MEIS2: variants seen among roughly 807,000 people sequenced by gnomAD.
The protein encoded by MEIS2 is homeobox protein Meis2.
A neutral mutation model predicts 58.6 loss-of-function variants in MEIS2; 9 were observed. The ratio of observed to expected loss-of-function variants is 0.15; its 90% CI spans 0.09 to 0.27. MEIS2 has a LOEUF of 0.27. Ranked by LOEUF, MEIS2 falls within the 10% of genes least tolerant of loss-of-function variation. MEIS2 has a pLI of 1.00. For missense variants in MEIS2, 427 were observed against 635.0 expected (o/e 0.67, Z 3.52); for synonymous variants, 221 against 228.4 (o/e 0.97, Z 0.29).
chr15:37,081,709 TA>T (rs1892228197), intron 7 of MEIS2, among the ~76,000 whole-genome samples: 1 of 152,054 alleles, frequency 6.6e-6, no homozygotes, highest in African/African-American at 2.4e-5. Flanking sequence ...TTCGATACAG[TA>T]AAATGACTGA....
At chr15:37,019,707 C>T (rs1055464049) in intron 8 of MEIS2, among the ~76,000 whole-genome samples, 16 of 152,050 alleles carry the variant, frequency 1.1e-4, no homozygotes, top group Admixed American at 7.2e-4. Context: ...CATGGTGAAA[C>T]GCAGGGCCCA....
intron 9 of MEIS2, among the ~76,000 whole-genome samples, chr15:36,928,912 A>T (rs1182603456): frequency 1.3e-5 from 2 of 152,216 alleles, no homozygotes; most frequent in Admixed American, 1.3e-4. Context: ...GGCACTGCTT[A>T]TAAAAAAAGA....
chr15:37,007,066 T>C (rs2060948195), intron 8 of MEIS2, among the ~76,000 whole-genome samples: 2 of 152,240 alleles, frequency 1.3e-5, no homozygotes, highest in African/African-American at 4.8e-5. Context: ...ATGAGAATAA[T>C]AACAGTGTAT....
chr15:36,954,934 C>T (rs986450739), intron 8 of MEIS2, among the ~76,000 whole-genome samples: 2 of 152,110 alleles, frequency 1.3e-5, no homozygotes, highest in Admixed American at 6.5e-5. Flanking sequence ...TTTGATGATG[C>T]CACTCATTCA....
intron 8 of MEIS2, among the ~76,000 whole-genome samples, chr15:36,976,150 T>C (rs1161896394): frequency 6.6e-6 from 1 of 152,102 alleles, no homozygotes; most frequent in Admixed American, 6.5e-5. Flanking sequence ...AGTGGCGCGA[T>C]CTCGGCTCCC....
At chr15:36,919,413 T>C (rs894126995) in intron 9 of MEIS2, among the ~76,000 whole-genome samples, 7 of 151,952 alleles carry the variant, frequency 4.6e-5, no homozygotes, top group African/African-American at 1.7e-4. Context: ...ACCCTGTCTC[T>C]ACCAAAAATA....
rs746689909 is a variant in MEIS2 at position 37,098,027 on chromosome 15, G to T, written c.185C>A (p.Pro62Gln). 3 of 1,612,722 alleles carry T rather than the reference G, an allele frequency of 1.9e-6. No individual in the cohort carries two copies. Among genetic ancestry groups the T allele is most frequent in the Admixed American group, 1.7e-5 (1 of 59,908 alleles). ...GAHAPHPNVM[P>Q]ASMGSAVNDA... is the part of the protein sequence containing the mutation. ...GTTGACAGCGGATCCCATACTGGCCGGCATGACATTGGGGTGCGGGGCGTG... is the reference window on the plus strand; with the variant it reads ...GTTGACAGCGGATCCCATACTGGCCTGCATGACATTGGGGTGCGGGGCGTG... Residue 62 changes from proline (P) to glutamine (Q), a missense_variant, in exon 2 of 12, where the codon CCG (proline) becomes CAG (glutamine). Coordinates refer to ENST00000561208, the MANE Select transcript of MEIS2 (RefSeq NM_170675.5).
At chr15:36,941,575 T>C (rs534607903) in intron 9 of MEIS2, among the ~76,000 whole-genome samples, 1 of 152,242 alleles carries the variant, frequency 6.6e-6, no homozygotes, top group Admixed American at 6.5e-5. Flanking sequence ...AGCATGTGTT[T>C]TATAATTTTT....
At chr15:37,061,374 C>A (rs987273561) in intron 7 of MEIS2, among the ~76,000 whole-genome samples, 1 of 152,136 alleles carries the variant, frequency 6.6e-6, no homozygotes, top group African/African-American at 2.4e-5. Context: ...GCAGAGATAG[C>A]TAATTAAATT....
intron 9 of MEIS2, among the ~76,000 whole-genome samples, chr15:36,917,120 G>C (rs1366871879): frequency 6.6e-6 from 1 of 152,144 alleles, no homozygotes; most frequent in East Asian, 1.9e-4. Flanking sequence ...AAGACCTTCT[G>C]GGAACCAACA....
At chr15:36,940,732 C>T (rs1323825794) in intron 9 of MEIS2, among the ~76,000 whole-genome samples, 1 of 152,116 alleles carries the variant, frequency 6.6e-6, no homozygotes, top group Non-Finnish European at 1.5e-5. Context: ...ATAAATCATA[C>T]CTGAAGCTTA....
chr15:37,091,819 T>C (rs1050431220), intron 6 of MEIS2, among the ~76,000 whole-genome samples: 5 of 152,108 alleles, frequency 3.3e-5, no homozygotes. Flanking sequence ...CCTAGAAATA[T>C]CATGAGAAAA....
At position 37,079,376 on chromosome 15, in the gene MEIS2, T is replaced by C. The variant is rs191441845; in HGVS notation, c.754+4395A>G. Among the ~76,000 whole-genome samples the C allele has an allele frequency of 2.4e-3, 363 of 152,250 alleles. 3 individuals carry two copies. The highest frequency in any genetic ancestry group is 8.3e-3 in the African/African-American group (345 of 41,572). Reference sequence around the variant, plus strand: ...TTATGCCAGATGGCATCTGTCATATTGTATTTAGGGTTATTTTAAAGAGAT... The same window carrying C: ...TTATGCCAGATGGCATCTGTCATATCGTATTTAGGGTTATTTTAAAGAGAT... On this transcript the variant is annotated intron_variant, in intron 7 of 11. Transcript: ENST00000561208.
chr15:37,047,646 C>T (rs1373844664), intron 7 of MEIS2, among the ~76,000 whole-genome samples: 3 of 152,158 alleles, frequency 2.0e-5, no homozygotes, highest in Admixed American at 6.5e-5. Flanking sequence ...TAGTTTGACA[C>T]AACGGTCATG....
At chr15:36,950,919 T>A (rs2058730109) in intron 8 of MEIS2, among the ~76,000 whole-genome samples, 1 of 152,110 alleles carries the variant, frequency 6.6e-6, no homozygotes, top group Non-Finnish European at 1.5e-5. Context: ...TGGCAACTGA[T>A]TCAATTACAA....
Position 36,896,363 on chromosome 15 carries a change from C to T in MEIS2, c.1036+265G>A, listed in dbSNP as rs529086008. 2.4e-4 allele frequency among the ~76,000 whole-genome samples: 37 copies of T among 152,242 alleles called. 1 individual carries two copies. In the East Asian group the frequency reaches 4.1e-3, roughly 17 times the overall value. ...GGGGTAATGCCAGAGCTCACAAACA[C>T]GCTGCTTGTGGCATTAATACCTGTG... On this transcript the variant is annotated intron_variant, in intron 10 of 11. Coordinates refer to ENST00000561208, the MANE Select transcript of MEIS2 (RefSeq NM_170675.5).
intron 7 of MEIS2, among the ~76,000 whole-genome samples, chr15:37,081,756 A>G (rs920390714): frequency 1.3e-5 from 2 of 152,144 alleles, no homozygotes; most frequent in African/African-American, 4.8e-5. Context: ...TACCATGTCC[A>G]TTCTTTAATC....
At chr15:37,060,030 C>T (rs953421027) in intron 7 of MEIS2, among the ~76,000 whole-genome samples, 8 of 152,210 alleles carry the variant, frequency 5.3e-5, no homozygotes, top group South Asian at 2.1e-4. Context: ...AGCTATGATA[C>T]GGTCCTCAAG....
intron 9 of MEIS2, among the ~76,000 whole-genome samples, chr15:36,938,509 C>T (rs2058258743): frequency 6.6e-6 from 1 of 152,164 alleles, no homozygotes; most frequent in African/African-American, 2.4e-5. Flanking sequence ...CCACCAAAAC[C>T]TGCCACAGTT....
Sources: gnomAD v4.1 joint callset for allele counts (sites outside exome capture counted in the v4.1 genomes callset) on GRCh38, gnomAD v4.1.1 for gene constraint, MANE v1.5 for transcripts, NCBI Gene and HGNC (gene_info 2026-07-23, HGNC 2026-07-21) for gene names.